Variants in HDAC9 observed in about 807,000 individuals in gnomAD.
The protein encoded by HDAC9 is MEF-2 interacting transcription repressor (MITR) protein.
In HDAC9, 41 loss-of-function variants were observed where a neutral mutation model predicts 139.4. The ratio of observed to expected loss-of-function variants is 0.29; its 90% CI spans 0.23 to 0.38. The LOEUF (loss-of-function observed/expected upper bound fraction) is 0.38. Among genes scored for constraint, HDAC9 ranks in the 10% least tolerant of loss-of-function variants. HDAC9 has a pLI of 1.00. For missense variants in HDAC9, 1,147 were observed against 1,297.0 expected (o/e 0.88, Z 1.78); for synonymous variants, 517 against 476.2 (o/e 1.09, Z -1.12).
chr7:18,126,494 C>G (rs1322591464), intron 1 of HDAC9, among the ~76,000 whole-genome samples: 2 of 152,084 alleles, frequency 1.3e-5, no homozygotes, highest in Non-Finnish European at 1.5e-5. Flanking sequence ...GAGCTTTGTG[C>G]TTTGTATTTT....
chr7:18,749,043 G>A lies in HDAC9; in HGVS notation c.1948G>A (p.Val650Ile), dbSNP rs768179213. The part of the protein sequence containing the change: ...YDPLMLKHQC[V>I]CGNSTTHPEH... ...CCCCTTGATGCTGAAACACCAGTGC[G>A]TTTGTGGCAATTCCACCACCCACCC... is the stretch of plus-strand genomic sequence containing the variant. Residue 650 changes from valine (V) to isoleucine (I), a missense_variant, in exon 14 of 26, where the codon GTT becomes ATT. Transcript: ENST00000686413. The A allele has an allele frequency of 5.8e-5, 93 of 1,613,544 alleles. No individual in the cohort carries two copies. The highest frequency in any genetic ancestry group is 1.1e-4 in the African/African-American group (8 of 75,010).
At chr7:18,753,111 T>C (rs1286037925) in intron 14 of HDAC9, among the ~76,000 whole-genome samples, 1 of 152,116 alleles carries the variant, frequency 6.6e-6, no homozygotes, top group Non-Finnish European at 1.5e-5. Context: ...CAATACCGAG[T>C]ACAAAATATA....
chr7:18,871,522 T>A (rs1475335540), intron 21 of HDAC9, among the ~76,000 whole-genome samples: 1 of 152,172 alleles, frequency 6.6e-6, no homozygotes, highest in Non-Finnish European at 1.5e-5. Flanking sequence ...GAACCATGAG[T>A]TCGTATGTAT....
chr7:18,519,398 A>T (rs1804273334), intron 2 of HDAC9, among the ~76,000 whole-genome samples: 2 of 152,200 alleles, frequency 1.3e-5, no homozygotes, highest in African/African-American at 2.4e-5. Flanking sequence ...TATAAAGCAG[A>T]AATATAAACT....
intron 14 of HDAC9, among the ~76,000 whole-genome samples, chr7:18,754,374 A>T (rs1367767043): frequency 1.3e-5 from 2 of 152,062 alleles, no homozygotes; most frequent in African/African-American, 4.8e-5. Flanking sequence ...GTCAAAAAAA[A>T]TTGTGGAGGT....
chr7:18,696,563 G>T (rs1460948401), intron 12 of HDAC9, among the ~76,000 whole-genome samples: 4 of 151,592 alleles, frequency 2.6e-5, no homozygotes, highest in Non-Finnish European at 5.9e-5. Context: ...CACCTTCCGG[G>T]TTCAAGCGAT....
rs928432557 is a variant in HDAC9 at position 18,113,984 on chromosome 7, A to C, written c.-97+26771A>C. Among the ~76,000 whole-genome samples, 3 of 152,298 alleles carry C rather than the reference A, an allele frequency of 2.0e-5. No individual in the cohort carries two copies. The East Asian group carries it at 5.8e-4, about 29-fold the overall frequency. The stretch of plus-strand genomic sequence containing the variant: ...TTGTAGCTATCACTTTGAGCCTAAC[A>C]CTGTAGTTACATTCCCCCTCACCTT... On this transcript the variant is annotated intron_variant, in intron 1 of 12. Transcript: ENST00000417496.
intron 2 of HDAC9, among the ~76,000 whole-genome samples, chr7:18,512,984 G>A (rs765320308): frequency 7.2e-5 from 11 of 152,162 alleles, no homozygotes; most frequent in Non-Finnish European, 1.3e-4. Flanking sequence ...ATTTTTAGTA[G>A]CTTTGTGTAT....
intron 1 of HDAC9, among the ~76,000 whole-genome samples, chr7:18,460,097 T>G (rs866800188): frequency 6.6e-6 from 1 of 152,078 alleles, no homozygotes; most frequent in African/African-American, 2.4e-5. Context: ...TCTTTTTGAC[T>G]TTTTGTAGAG....
chr7:18,571,182 C>T (rs1824163238), intron 2 of HDAC9, among the ~76,000 whole-genome samples: 1 of 152,154 alleles, frequency 6.6e-6, no homozygotes, highest in Non-Finnish European at 1.5e-5. Flanking sequence ...CAATTTTTTT[C>T]TAAATTGTAT....
intron 2 of HDAC9, among the ~76,000 whole-genome samples, chr7:18,228,481 A>G (rs1793222539): frequency 6.6e-6 from 1 of 152,210 alleles, no homozygotes; most frequent in African/African-American, 2.4e-5. Context: ...AAGATATTAG[A>G]TAGCAATATT....
chr7:18,258,032 A>G (rs1311765120), intron 2 of HDAC9, among the ~76,000 whole-genome samples: 1 of 152,242 alleles, frequency 6.6e-6, no homozygotes, highest in African/African-American at 2.4e-5. Flanking sequence ...TGAGAAGCAC[A>G]TATTAAAGTA....
At chr7:18,888,162 C>G (rs1326178861) in intron 22 of HDAC9, among the ~76,000 whole-genome samples, 1 of 152,134 alleles carries the variant, frequency 6.6e-6, no homozygotes, top group Non-Finnish European at 1.5e-5. Flanking sequence ...TGGCTCCCGC[C>G]TGTAATCCCA....
chr7:18,737,970 T>C (rs1787080955), intron 13 of HDAC9, among the ~76,000 whole-genome samples: 1 of 152,256 alleles, frequency 6.6e-6, no homozygotes. Context: ...ATCTTTAGGA[T>C]AGTTAGCTCT....
chr7:18,835,577 C>G lies in HDAC9; in HGVS notation c.2577C>G (p.Ala859=), dbSNP rs1318639275. ...DEGNFFPGSG[A]PNEVGTGLGE... is the part of the protein sequence containing the mutation. ...GGAACTTTTTCCCTGGCAGTGGAGC[C>G]CCAAATGAGGTTCGGTTTATTTCTT... is the stretch of plus-strand genomic sequence containing the variant. The change falls in exon 20 of 26, where the codon GCC becomes GCG. Residue 859 remains alanine (A), a synonymous_variant. Transcript: ENST00000686413. 2 of 1,613,712 alleles carry G rather than the reference C, an allele frequency of 1.2e-6. No homozygotes were observed. The highest frequency in any genetic ancestry group is 1.7e-6 in the Non-Finnish European group (2 of 1,179,678).
At chr7:18,487,949 G>C (rs548425191) in intron 1 of HDAC9, among the ~76,000 whole-genome samples, 3 of 152,110 alleles carry the variant, frequency 2.0e-5, no homozygotes, top group Non-Finnish European at 4.4e-5. Flanking sequence ...TATATATTCA[G>C]ATGCTACACA....
intron 2 of HDAC9, among the ~76,000 whole-genome samples, chr7:18,238,582 C>G (rs892173213): frequency 1.3e-5 from 2 of 152,140 alleles, no homozygotes; most frequent in Non-Finnish European, 2.9e-5. Flanking sequence ...ATATATCTGA[C>G]ATTGCTATAA....
At chr7:18,270,716 G>T (rs1219221453) in intron 2 of HDAC9, among the ~76,000 whole-genome samples, 1 of 152,086 alleles carries the variant, frequency 6.6e-6, no homozygotes, top group Non-Finnish European at 1.5e-5. Context: ...GTTGCTTTTG[G>T]TAGTATGATT....
chr7:18,831,655 T>G (rs1225510179), intron 19 of HDAC9, among the ~76,000 whole-genome samples: 2 of 152,186 alleles, frequency 1.3e-5, no homozygotes, highest in Non-Finnish European at 2.9e-5. Flanking sequence ...CAGGGCTACT[T>G]TGAGGAAATT....
Sources: allele counts gnomAD v4.1 joint callset (sites outside exome capture counted in the v4.1 genomes callset), GRCh38; gene constraint gnomAD v4.1.1; transcripts MANE v1.5; gene names NCBI Gene and HGNC (gene_info 2026-07-23, HGNC 2026-07-21).